Variants in DPP6 observed in about 807,000 individuals in gnomAD.
DPP6 encodes the protein dipeptidyl peptidase like 6.
A neutral mutation model predicts 122.6 loss-of-function variants in DPP6; 69 were observed. The observed-to-expected ratio is 0.56, with a 90% confidence interval of 0.46 to 0.69. DPP6 has a LOEUF of 0.69. DPP6 is among the 30% of genes least tolerant of loss of function. DPP6 has a pLI of 0.00. For synonymous variants in DPP6, 418 were observed against 433.1 expected, an observed-to-expected ratio of 0.97 and a Z score of 0.43; for missense variants, 928 against 1,116.9, an observed-to-expected ratio of 0.83 and a Z score of 2.41.
rs1430987117 is a variant in DPP6, at chr7:154,624,677, A to G, written c.628-13144A>G. Among the ~76,000 whole-genome samples the G allele has an allele frequency of 6.6e-6, 1 of 152,112 alleles. No homozygotes were observed. The highest frequency in any genetic ancestry group is 1.9e-4 in the East Asian group (1 of 5,168). On this transcript the variant is annotated intron_variant, in intron 5 of 25. Transcript: ENST00000377770. The surrounding 1 kb of genome is among the most constrained non-coding windows in gnomAD (Gnocchi z 4.7). ...GCACACAAACAATAGAAAGCAATGG[A>G]GCCCTTGTTAGAAACACATATTTCT...
At chr7:154,757,710 A>G (rs1463220181) in intron 8 of DPP6, among the ~76,000 whole-genome samples, 1 of 152,164 alleles carries the variant, frequency 6.6e-6, no homozygotes, top group Non-Finnish European at 1.5e-5. Flanking sequence ...CAGCACTGGC[A>G]TAGTCGTGGT....
chr7:154,196,899 C>G (rs1039438703), intron 1 of DPP6, among the ~76,000 whole-genome samples: 16 of 152,046 alleles, frequency 1.1e-4, no homozygotes, highest in African/African-American at 3.9e-4. Context: ...ATCTCTACCC[C>G]CTAATAAGCG....
intron 5 of DPP6, among the ~76,000 whole-genome samples, chr7:154,614,796 C>T (rs1239020995): frequency 3.3e-5 from 5 of 152,184 alleles, no homozygotes; most frequent in Non-Finnish European, 5.9e-5. Context: ...TATTGTAAGT[C>T]ATTTCTGTTA....
chr7:154,440,222 G>A (rs567749086), intron 1 of DPP6, among the ~76,000 whole-genome samples: 2 of 152,170 alleles, frequency 1.3e-5, no homozygotes, highest in Non-Finnish European at 2.9e-5. Context: ...TCCCGCATTG[G>A]TTGCTTCAGT....
At chr7:154,430,069 C>T (rs943648223) in intron 1 of DPP6, among the ~76,000 whole-genome samples, 6 of 152,160 alleles carry the variant, frequency 3.9e-5, no homozygotes, top group African/African-American at 1.4e-4. Flanking sequence ...AGAAGCTCCT[C>T]TTCTAGGGGC....
intron 1 of DPP6, among the ~76,000 whole-genome samples, chr7:154,414,821 C>T (rs976141960): frequency 4.6e-5 from 7 of 152,190 alleles, no homozygotes; most frequent in African/African-American, 9.7e-5. Context: ...AGGGTGCTCA[C>T]GGCATGGTGC....
intron 1 of DPP6, among the ~76,000 whole-genome samples, chr7:154,144,193 G>A (rs765937953): frequency 6.6e-6 from 1 of 152,010 alleles, no homozygotes; most frequent in Non-Finnish European, 1.5e-5. Context: ...GCCTCTTTGT[G>A]TTCATTTAGC....
At chr7:154,700,816 A>T (rs1402226677) in intron 7 of DPP6, among the ~76,000 whole-genome samples, 2 of 151,906 alleles carry the variant, frequency 1.3e-5, no homozygotes, top group African/African-American at 2.4e-5. Flanking sequence ...TGACCTAGCG[A>T]AGAAAATGTG....
At chr7:154,754,342 G>A (rs139749791) in intron 8 of DPP6, among the ~76,000 whole-genome samples, 78 of 152,292 alleles carry the variant, frequency 5.1e-4, no homozygotes, top group African/African-American at 1.8e-3. Context: ...ACTTTCAGAT[G>A]AGGACAAAAT....
At chr7:154,702,274 C>A (rs1202923631) in intron 7 of DPP6, among the ~76,000 whole-genome samples, 2 of 152,174 alleles carry the variant, frequency 1.3e-5, no homozygotes, top group Admixed American at 6.5e-5. Flanking sequence ...CCAATAATAT[C>A]TTATAAAATG....
intron 1 of DPP6, among the ~76,000 whole-genome samples, chr7:154,388,142 A>G (rs1340374450): frequency 6.6e-6 from 1 of 152,004 alleles, no homozygotes; most frequent in East Asian, 1.9e-4. Context: ...TCTCTATTAA[A>G]AATACAAAAA....
chr7:153,922,069 A>T (rs576882679), intron 1 of DPP6, among the ~76,000 whole-genome samples: 1 of 152,338 alleles, frequency 6.6e-6, no homozygotes, highest in Non-Finnish European at 1.5e-5. Flanking sequence ...TTCAACCGAT[A>T]CGGTCCTGAG....
chr7:154,512,194 G>C (rs368185903), intron 3 of DPP6, among the ~76,000 whole-genome samples: 4 of 151,998 alleles, frequency 2.6e-5, no homozygotes, highest in Admixed American at 2.6e-4. Context: ...CCAGCTAATC[G>C]GAAAAGCTTT....
chr7:154,206,263 C>T (rs1370238505), intron 1 of DPP6, among the ~76,000 whole-genome samples: 8 of 152,170 alleles, frequency 5.3e-5, no homozygotes, highest in East Asian at 1.9e-4. Context: ...AGATCTTTGC[C>T]GGTCCTCGGC....
intron 1 of DPP6, among the ~76,000 whole-genome samples, chr7:154,445,087 T>A (rs1451208160): frequency 6.6e-6 from 1 of 152,234 alleles, no homozygotes; most frequent in South Asian, 2.1e-4. Flanking sequence ...TCTATTTTAG[T>A]TTGTAGCAAT....
At chr7:153,843,091 A>C in the DPP6 span, among the ~76,000 whole-genome samples, 12 of 148,198 alleles carry the variant, frequency 8.1e-5, no homozygotes, top group Non-Finnish European at 1.6e-4. Context: ...CACACACACG[A>C]GTGCATACAC....
chr7:154,716,015 C>T (rs763722902), intron 7 of DPP6, among the ~76,000 whole-genome samples: 12 of 152,114 alleles, frequency 7.9e-5, no homozygotes, highest in South Asian at 2.1e-4. Context: ...CTTCTGTTCC[C>T]GCCACACACC....
intron 1 of DPP6, among the ~76,000 whole-genome samples, chr7:154,262,855 G>C (rs1259804267): frequency 1.3e-5 from 2 of 151,940 alleles, no homozygotes; most frequent in Middle Eastern, 3.4e-3. Flanking sequence ...TGGTTTAACT[G>C]TATTTTTCAC....
intron 1 of DPP6, among the ~76,000 whole-genome samples, chr7:154,060,492 A>G (rs1309056192): frequency 4.5e-5 from 6 of 132,832 alleles, no homozygotes; most frequent in Non-Finnish European, 3.2e-5. Context: ...CGTTGATCCT[A>G]AGATCCTTAG....
Sources: allele counts gnomAD v4.1 joint callset (sites outside exome capture counted in the v4.1 genomes callset), GRCh38; gene constraint gnomAD v4.1.1; non-coding constraint Gnocchi (gnomAD v3.1); transcripts MANE v1.5; gene names NCBI Gene and HGNC (gene_info 2026-07-23, HGNC 2026-07-21).